Variants in SLC28A3 observed in about 807,000 individuals in gnomAD.
SLC28A3 encodes solute carrier family 28 member 3.
Under a neutral mutation model 84.2 loss-of-function variants are expected in SLC28A3, and 68 were observed. The ratio of observed to expected loss-of-function variants is 0.81; its 90% CI spans 0.66 to 0.99. The LOEUF is 0.99. Among genes scored for constraint, SLC28A3 ranks in the 50% least tolerant of loss-of-function variants. SLC28A3 has a pLI of 0.00. For missense variants in SLC28A3, 712 were observed against 841.5 expected (o/e 0.85, Z 1.90); for synonymous variants, 267 against 303.6 (o/e 0.88, Z 1.25).
At chr9:84,310,553 T>C in intron 2 of SLC28A3, 18 of 985,454 alleles carry the variant, frequency 1.8e-5, no homozygotes, top group Non-Finnish European at 2.0e-5. Context: ...TCTCAGCACT[T>C]GTCTTCTGTC....
chr9:84,320,747 T>A (rs1322804023), intron 1 of SLC28A3, among the ~76,000 whole-genome samples: 1 of 152,054 alleles, frequency 6.6e-6, no homozygotes, highest in East Asian at 1.9e-4. Flanking sequence ...CCTAGCACTT[T>A]CGGAGGCCGA....
chr9:84,277,618 C>CTGA lies in SLC28A3; in HGVS notation c.*597_*599dup, dbSNP rs781695617. ...GTAGCGTAATTTATGGTTAAACTGA[C>CTGA]TGATAGAACTCTTAAGCAGAATGGA... is the stretch of plus-strand genomic sequence containing the variant. On this transcript the variant is annotated 3_prime_UTR_variant, in exon 18 of 18. Transcript: ENST00000376238. 1 of 152,266 alleles carries CTGA rather than the reference C, an allele frequency of 6.6e-6. No individual in the cohort carries two copies. Among genetic ancestry groups the CTGA allele is most frequent in the Non-Finnish European group, 1.5e-5 (1 of 68,066 alleles). 9.4% of individuals were successfully genotyped at this position (152,266 alleles called of 1,614,324 possible). A position where few individuals can be genotyped will look rare whatever the true frequency, so the allele number is the denominator to read the frequency against.
intron 3 of SLC28A3, 62 bp from the exon 4 acceptor site, chr9:84,305,407 T>C: frequency 7.4e-7 from 1 of 1,348,062 alleles, no homozygotes; most frequent in Non-Finnish European, 1.1e-6. Flanking sequence ...ATAAACTGCA[T>C]GGTGAGGCTA....
rs11568414 is a variant in SLC28A3 at position 84,292,622 on chromosome 9, C to A, written c.1023+46G>T. On this transcript the variant is annotated intron_variant, in intron 10 of 17. Coordinates refer to ENST00000376238, the MANE Select transcript of SLC28A3 (RefSeq NM_001199633.2). ...TCTTATTTGGCTTTTTGGAAAGAGA[C>A]GATCCATTTCAACAGATGTTTTGTT... The A allele has an allele frequency of 4.8e-3, 7,002 of 1,459,228 alleles. 172 individuals carry two copies. The African/African-American group carries it at 0.053, about 11-fold the overall frequency. 90.4% of individuals were successfully genotyped at this position (1,459,228 alleles called of 1,614,324 possible).
At chr9:84,343,232 G>A (rs142925962), upstream of SLC28A3, among the ~76,000 whole-genome samples, 82 of 151,876 alleles carry the variant, frequency 5.4e-4, 1 homozygote, top group East Asian at 0.014. Context: ...AATTGCCCCC[G>A]GGCACAGGGT....
the SLC28A3 span, among the ~76,000 whole-genome samples, chr9:84,350,786 A>C: frequency 1.3e-5 from 2 of 152,174 alleles, no homozygotes; most frequent in Non-Finnish European, 2.9e-5. Context: ...ATCTTGGCTC[A>C]CTGCAACCTC....
At position 84,298,028 on chromosome 9, in the gene SLC28A3, A is replaced by G; in HGVS notation, c.670-9T>C. On this transcript the variant is annotated splice_polypyrimidine_tract_variant and intron_variant, in intron 6 of 17. Coordinates refer to ENST00000376238, the MANE Select transcript of SLC28A3 (RefSeq NM_001199633.2). Reference sequence around the variant, plus strand: ...ACAGGTCTCCAGTAAACCTATACAGAAAGATCAAGTGATATGTCTTAGTAG... The same window carrying G: ...ACAGGTCTCCAGTAAACCTATACAGGAAGATCAAGTGATATGTCTTAGTAG... 1 of 1,601,346 alleles carries G rather than the reference A, an allele frequency of 6.2e-7. No individual in the cohort carries two copies. The highest frequency in any genetic ancestry group is 8.5e-7 in the Non-Finnish European group (1 of 1,174,032).
the SLC28A3 span, among the ~76,000 whole-genome samples, chr9:84,355,508 T>C: frequency 1.8e-4 from 28 of 152,328 alleles, no homozygotes; most frequent in East Asian, 5.4e-3. Flanking sequence ...CCACCAGATA[T>C]CATGAACTTC....
upstream of SLC28A3, among the ~76,000 whole-genome samples, chr9:84,341,911 T>G (rs1293414499): frequency 1.3e-5 from 2 of 152,044 alleles, no homozygotes; most frequent in African/African-American, 4.8e-5. Flanking sequence ...GGTGGATCAC[T>G]TTAGGCCAGG....
rs1824603637 is a variant in SLC28A3, at chr9:84,278,413, G to T, written c.1950-69C>A. 19 of 1,590,476 alleles carry T rather than the reference G, an allele frequency of 1.2e-5. 1 individual carries two copies. In the South Asian group the frequency reaches 1.9e-4, roughly 16 times the overall value. ...CAGAAACAGTAGGTGAGCAGACAATGACATTAAAAATAGTTCAGGGCAGGA... is the reference window on the plus strand; with the variant it reads ...CAGAAACAGTAGGTGAGCAGACAATTACATTAAAAATAGTTCAGGGCAGGA... On this transcript the variant is annotated intron_variant, in intron 17 of 17. Transcript: ENST00000376238.
chr9:84,316,964 G>A (rs1237407046), intron 1 of SLC28A3, among the ~76,000 whole-genome samples: 1 of 151,928 alleles, frequency 6.6e-6, no homozygotes. Context: ...TCGTACCAGT[G>A]CACTCCAGCC....
chr9:84,315,395 G>A (rs1245790093), intron 1 of SLC28A3, among the ~76,000 whole-genome samples: 2 of 152,108 alleles, frequency 1.3e-5, no homozygotes, highest in South Asian at 2.1e-4. Context: ...GGATCCTTAC[G>A]GAATCCTGAC....
intron 1 of SLC28A3, among the ~76,000 whole-genome samples, chr9:84,329,004 T>G (rs76112965): frequency 2.4e-4 from 36 of 152,228 alleles, no homozygotes; most frequent in African/African-American, 7.9e-4. Flanking sequence ...ATACTTTACA[T>G]TCAAAGACCT....
chr9:84,314,408 G>A (rs1486633520), intron 1 of SLC28A3, among the ~76,000 whole-genome samples: 1 of 152,054 alleles, frequency 6.6e-6, no homozygotes, highest in Non-Finnish European at 1.5e-5. Flanking sequence ...TCTAGAGTGA[G>A]GTAATGGATA....
upstream of SLC28A3, among the ~76,000 whole-genome samples, chr9:84,344,185 G>GTT (rs762125676): frequency 0.033 from 3,890 of 117,962 alleles, 232 homozygotes; most frequent in East Asian, 0.15. Context: ...CATCATATGG[G>GTT]TTTTTTTTTT....
chr9:84,319,939 T>C (rs1331884848), intron 1 of SLC28A3, among the ~76,000 whole-genome samples: 1 of 152,130 alleles, frequency 6.6e-6, no homozygotes, highest in Non-Finnish European at 1.5e-5. Flanking sequence ...TTTATTAATT[T>C]TTTATTGCCC....
intron 1 of SLC28A3, among the ~76,000 whole-genome samples, chr9:84,317,228 G>T (rs984449773): frequency 2.0e-5 from 3 of 152,162 alleles, no homozygotes; most frequent in Non-Finnish European, 4.4e-5. Flanking sequence ...AAGATCAAAA[G>T]ACACAGTAGT....
At chr9:84,367,390 C>A in the SLC28A3 span, among the ~76,000 whole-genome samples, 2 of 152,202 alleles carry the variant, frequency 1.3e-5, no homozygotes, top group Non-Finnish European at 2.9e-5. Context: ...CCATTTGTGG[C>A]TGTGCTGGTA....
the SLC28A3 span, among the ~76,000 whole-genome samples, chr9:84,361,522 T>C: frequency 6.6e-6 from 1 of 152,206 alleles, no homozygotes; most frequent in East Asian, 1.9e-4. Context: ...AGATGATCTC[T>C]GTGCTCCCTC....
Sources: allele counts gnomAD v4.1 joint callset (sites outside exome capture counted in the v4.1 genomes callset), GRCh38; gene constraint gnomAD v4.1.1; transcripts MANE v1.5; gene names NCBI Gene and HGNC (gene_info 2026-07-23, HGNC 2026-07-21).